The following TTC28 variants were observed in gnomAD, a reference collection of about 807,000 sequenced individuals.
TTC28 encodes tetratricopeptide repeat domain 28.
A neutral mutation model predicts 198.0 loss-of-function variants in TTC28; 61 were observed. The observed-to-expected ratio is 0.31, with a 90% CI of 0.25 to 0.38. The LOEUF is 0.38. TTC28 is among the 10% of genes least tolerant of loss of function. The pLI is 1.00. For synonymous variants in TTC28, 1,171 were observed against 1,297.8 expected (o/e 0.90, Z 2.10); for missense variants, 2,678 against 3,164.0 (o/e 0.85, Z 3.69).
chr22:28,111,890 C>T (rs1942490324), intron 6 of TTC28, among the ~76,000 whole-genome samples: 1 of 152,184 alleles, frequency 6.6e-6, no homozygotes, highest in Non-Finnish European at 1.5e-5. Context: ...CCACCAAAGA[C>T]AGGTCTCCTT....
chr22:28,105,290 T>C lies in TTC28; in HGVS notation c.3296A>G (p.Tyr1099Cys). The change falls in exon 8 of 23, where the codon TAC becomes TGC. Residue 1099 changes from tyrosine to cysteine, a missense_variant. This residue lies in a region of TTC28 where 727 missense variants were observed against 861.9 expected (regional missense o/e 0.84). Coordinates refer to ENST00000397906, the MANE Select transcript of TTC28 (RefSeq NM_001145418.2). The stretch of plus-strand genomic sequence containing the variant: ...GCCTTTTCACCTACCTTCCTGTAAG[T>C]ACATGACTGCTTGGGAATAGTTCTG... ...ALQNYSQAVM[Y>C]LQEGLRLAEQ... 1 of 1,551,568 alleles carries C rather than the reference T, an allele frequency of 6.4e-7. No individual in the cohort carries two copies. Among genetic ancestry groups the C allele is most frequent in the Non-Finnish European group, 8.7e-7 (1 of 1,146,920 alleles).
chr22:28,517,433 G>A (rs940999715), intron 2 of TTC28, among the ~76,000 whole-genome samples: 1 of 151,908 alleles, frequency 6.6e-6, no homozygotes, highest in Non-Finnish European at 1.5e-5. Context: ...TTAAAGATTT[G>A]GCATACCCAG....
Position 28,107,512 on chromosome 22 carries a change from G to A in TTC28, c.2333C>T (p.Thr778Ile). 2 of 1,551,770 alleles carry A rather than the reference G, an allele frequency of 1.3e-6. No individual in the cohort carries two copies. Among genetic ancestry groups the A allele is most frequent in the Non-Finnish European group, 1.7e-6 (2 of 1,147,032 alleles). ...QKYDKALGYH[T>I]QELEVYQELS... ...CTCCTGATATACCTCCAGTTCCTGT[G>A]TGTGATAACCCAGGGCCTTGTCATA... The change falls in exon 7 of 23, where the codon ACA becomes ATA. Residue 778 changes from threonine to isoleucine, a missense_variant. Transcript: ENST00000397906.
chr22:28,409,583 T>C (rs1005845411), intron 2 of TTC28, among the ~76,000 whole-genome samples: 2 of 149,868 alleles, frequency 1.3e-5, no homozygotes, highest in Non-Finnish European at 3.0e-5. Context: ...ATAACATATA[T>C]AAAAAACATA....
intron 12 of TTC28, among the ~76,000 whole-genome samples, chr22:28,055,530 C>T (rs1272929393): frequency 2.6e-5 from 4 of 152,258 alleles, no homozygotes; most frequent in Non-Finnish European, 5.9e-5. Flanking sequence ...AAATAGACCT[C>T]CGCTTAATGT....
intron 6 of TTC28, among the ~76,000 whole-genome samples, chr22:28,133,994 T>C (rs901042690): frequency 6.6e-6 from 1 of 152,156 alleles, no homozygotes; most frequent in Admixed American, 6.5e-5. Context: ...CGCGGCCAGG[T>C]ACCCCTCTGA....
At chr22:28,579,989 C>A (rs1372546357) in intron 2 of TTC28, among the ~76,000 whole-genome samples, 1 of 150,974 alleles carries the variant, frequency 6.6e-6, no homozygotes, top group African/African-American at 2.4e-5. Context: ...AAAAATTATA[C>A]ACACACACAC....
At chr22:28,170,349 C>T (rs1399768491) in intron 5 of TTC28, among the ~76,000 whole-genome samples, 2 of 151,656 alleles carry the variant, frequency 1.3e-5, no homozygotes, top group Admixed American at 6.6e-5. Flanking sequence ...ATTAGCTGGG[C>T]GTGGTTGCGG....
At chr22:28,408,538 C>T (rs1213980082) in intron 2 of TTC28, among the ~76,000 whole-genome samples, 1 of 152,102 alleles carries the variant, frequency 6.6e-6, no homozygotes, top group East Asian at 1.9e-4. Context: ...TTACAGGTAC[C>T]TGCCACCACA....
At chr22:28,248,089 C>G (rs1930241356) in intron 5 of TTC28, among the ~76,000 whole-genome samples, 1 of 152,208 alleles carries the variant, frequency 6.6e-6, no homozygotes. Flanking sequence ...GCCTGAAGCC[C>G]AGTCAGTATT....
chr22:28,074,499 G>A (rs960989483), intron 12 of TTC28, among the ~76,000 whole-genome samples: 3 of 152,180 alleles, frequency 2.0e-5, no homozygotes, highest in Admixed American at 6.5e-5. Flanking sequence ...AAGCATTTGG[G>A]ACAAGAGATA....
At chr22:28,323,038 T>C (rs966331752) in intron 2 of TTC28, among the ~76,000 whole-genome samples, 1 of 152,202 alleles carries the variant, frequency 6.6e-6, no homozygotes, top group Non-Finnish European at 1.5e-5. Flanking sequence ...CCGAATCACA[T>C]TGACAAAGTC....
chr22:28,088,489 T>C (rs1037565333), intron 12 of TTC28, among the ~76,000 whole-genome samples: 3 of 151,736 alleles, frequency 2.0e-5, no homozygotes, highest in East Asian at 1.9e-4. Flanking sequence ...GATCCCTTCC[T>C]TACACCTTAT....
At chr22:28,210,940 G>A (rs1217231301) in intron 5 of TTC28, among the ~76,000 whole-genome samples, 1 of 152,150 alleles carries the variant, frequency 6.6e-6, no homozygotes, top group Non-Finnish European at 1.5e-5. Flanking sequence ...CTGATCTCAG[G>A]ACAGAAACTC....
chr22:28,189,423 G>A (rs1317239985), intron 5 of TTC28, among the ~76,000 whole-genome samples: 1 of 152,030 alleles, frequency 6.6e-6, no homozygotes, highest in East Asian at 1.9e-4. Flanking sequence ...AAGATAAAAT[G>A]AGAGGATCGA....
chr22:28,354,003 G>A (rs1001171430), intron 2 of TTC28, among the ~76,000 whole-genome samples: 5 of 152,138 alleles, frequency 3.3e-5, no homozygotes, highest in African/African-American at 1.2e-4. Flanking sequence ...TACCCATTAG[G>A]ATGGCTATTA....
intron 2 of TTC28, among the ~76,000 whole-genome samples, chr22:28,472,937 G>A (rs1216031548): frequency 6.6e-6 from 1 of 152,094 alleles, no homozygotes; most frequent in Non-Finnish European, 1.5e-5. Context: ...AAAGGATTTG[G>A]AATTAGAATG....
chr22:27,992,494 C>T, intron 19 of TTC28, 93 bp downstream of exon 19: 1 of 1,288,674 alleles, frequency 7.8e-7, no homozygotes, highest in African/African-American at 1.5e-5. Context: ...AGACTGCATT[C>T]ACTTACAGGT....
chr22:28,522,380 C>T (rs2048924681), intron 2 of TTC28, among the ~76,000 whole-genome samples: 1 of 151,482 alleles, frequency 6.6e-6, no homozygotes, highest in South Asian at 2.1e-4. Flanking sequence ...CCCAGCTACT[C>T]AGGAGGCTGA....
Sources: allele counts gnomAD v4.1 joint callset (sites outside exome capture counted in the v4.1 genomes callset), GRCh38; gene constraint gnomAD v4.1.1; regional missense constraint gnomAD v4.1.1; transcripts MANE v1.5; gene names NCBI Gene and HGNC (gene_info 2026-07-23, HGNC 2026-07-21).